Variants in RETREG3 observed in about 807,000 individuals in gnomAD.
The protein encoded by RETREG3 is reticulophagy regulator family member 3.
RETREG3 carries 23 observed loss-of-function variants against 50.2 expected under a neutral mutation model. The ratio of observed to expected loss-of-function variants is 0.46; its 90% CI spans 0.33 to 0.65. The LOEUF (loss-of-function observed/expected upper bound fraction) is 0.65, where lower values mean the gene tolerates loss of function less well. Among genes scored for constraint, RETREG3 ranks in the 30% least tolerant of loss-of-function variants. RETREG3 has a pLI of 0.02. For missense variants in RETREG3, 546 were observed against 598.0 expected (o/e 0.91, Z 0.91); for synonymous variants, 240 against 234.4 (o/e 1.02, Z -0.22).
chr17:42,582,419 G>A (rs1289406554), intron 8 of RETREG3, 149 bp from the exon 9 acceptor site: 2 of 858,844 alleles, frequency 2.3e-6, no homozygotes, highest in Non-Finnish European at 3.5e-6. Flanking sequence ...CTTATAGGTG[G>A]CTGTGATCTC....
At chr17:42,593,911 C>T (rs1464685328) in intron 1 of RETREG3, among the ~76,000 whole-genome samples, 1 of 152,128 alleles carries the variant, frequency 6.6e-6, no homozygotes, top group Non-Finnish European at 1.5e-5. Flanking sequence ...AGAGCCCTGG[C>T]CAGGTGTGGT....
At chr17:42,607,223 G>C (rs767763794) in intron 1 of RETREG3, among the ~76,000 whole-genome samples, 23 of 151,828 alleles carry the variant, frequency 1.5e-4, no homozygotes, top group Admixed American at 3.9e-4. Context: ...ACTTGGCTGG[G>C]CACGGTGGCT....
chr17:42,592,587 G>A (rs1274042634), intron 1 of RETREG3, among the ~76,000 whole-genome samples: 1 of 152,268 alleles, frequency 6.6e-6, no homozygotes, highest in East Asian at 1.9e-4. Context: ...TCTTTTTACA[G>A]ATCTAGGAAC....
At chr17:42,602,379 TTTCAA>T (rs1297268682) in intron 1 of RETREG3, among the ~76,000 whole-genome samples, 1 of 152,090 alleles carries the variant, frequency 6.6e-6, no homozygotes, top group Non-Finnish European at 1.5e-5. Flanking sequence ...TAAAATTCTC[TTTCAA>T]TTCATCTGCC....
chr17:42,609,015 C>A (rs73983735), intron 1 of RETREG3, 71 bp downstream of exon 1: 2 of 1,454,800 alleles, frequency 1.4e-6, no homozygotes, highest in African/African-American at 1.4e-5. Context: ...ACAGGGCAGG[C>A]GAGAAGTAGA....
At chr17:42,589,797 ACT>A (rs1208663740) in intron 2 of RETREG3, among the ~76,000 whole-genome samples, 2 of 152,102 alleles carry the variant, frequency 1.3e-5, no homozygotes, top group African/African-American at 4.8e-5. Flanking sequence ...ATTTGTATTC[ACT>A]GAGGCCTCTC....
chr17:42,597,976 GTTTTTTTT>G (rs869196773), intron 1 of RETREG3, among the ~76,000 whole-genome samples: 1 of 95,850 alleles, frequency 1.0e-5, no homozygotes, highest in Non-Finnish European at 2.0e-5. Context: ...TTCCTCTGAA[GTTTTTTTT>G]TTTTTTTTTT....
At position 42,582,026 on chromosome 17, in the gene RETREG3, G is replaced by A; in HGVS notation, c.1188C>T (p.Asn396=). The change falls in exon 9 of 9, where the codon AAC becomes AAT. Residue 396 remains asparagine (N), a synonymous_variant. Coordinates refer to ENST00000309428, the MANE Select transcript of RETREG3 (RefSeq NM_178126.4). ...TACCCTGGGAGACCAGGCTGGCAAG[G>A]TTGCTGGTGAGGTTGGATCCTACAG... is the stretch of plus-strand genomic sequence containing the variant. The part of the protein sequence containing the change: ...ALPVGSNLTS[N]LASLVSQGMI... 1 of 1,614,132 alleles carries A rather than the reference G, an allele frequency of 6.2e-7. No homozygotes were observed. Among genetic ancestry groups the A allele is most frequent in the Non-Finnish European group, 8.5e-7 (1 of 1,180,020 alleles).
At chr17:42,590,831 G>GTGGTGCGTGCCTGTAATCCCAGCTAA (rs1597735821) in intron 2 of RETREG3, among the ~76,000 whole-genome samples, 1 of 152,148 alleles carries the variant, frequency 6.6e-6, no homozygotes, top group East Asian at 1.9e-4. Context: ...GCCAGGCATG[G>GTGGTGCGTGCCTGTAATCCCAGCTAA]TGGTGCGTGC....
At chr17:42,595,764 A>G (rs1465668836) in intron 1 of RETREG3, among the ~76,000 whole-genome samples, 10 of 148,632 alleles carry the variant, frequency 6.7e-5, no homozygotes, top group South Asian at 2.1e-4. Flanking sequence ...CACCTCCCAG[A>G]TTCAAGAGAT....
chr17:42,609,416 C>T (rs2093175881), upstream of RETREG3: 4 of 1,398,266 alleles, frequency 2.9e-6, no homozygotes, highest in South Asian at 4.0e-5. Flanking sequence ...GGGGAGGTGG[C>T]TTCGCACCAC....
At chr17:42,586,000 T>C (rs2093120453) in intron 5 of RETREG3, 53 bp downstream of exon 5, 2 of 1,551,052 alleles carry the variant, frequency 1.3e-6, no homozygotes, top group Admixed American at 3.3e-5. Context: ...TAGCCATAGT[T>C]GGAAAGCTAT....
At chr17:42,583,432 C>T in intron 7 of RETREG3, 66 bp downstream of exon 7, 1 of 1,494,612 alleles carries the variant, frequency 6.7e-7, no homozygotes, top group Non-Finnish European at 9.2e-7. Flanking sequence ...TAAATGTGAG[C>T]TGTCGGATGG....
At chr17:42,597,605 A>T (rs368237597) in intron 1 of RETREG3, among the ~76,000 whole-genome samples, 21 of 16,756 alleles carry the variant, frequency 1.3e-3, no homozygotes, top group East Asian at 4.2e-3. Flanking sequence ...ATATATATAT[A>T]TATATATATA....
chr17:42,605,629 G>A (rs764635905), intron 1 of RETREG3, among the ~76,000 whole-genome samples: 1 of 152,166 alleles, frequency 6.6e-6, no homozygotes, highest in Non-Finnish European at 1.5e-5. Context: ...GGACTTAACA[G>A]TATCTGTGCC....
intron 2 of RETREG3, 105 bp downstream of exon 2, chr17:42,591,951 A>G: frequency 3.2e-6 from 3 of 932,014 alleles, no homozygotes; most frequent in Non-Finnish European, 4.8e-6. Flanking sequence ...TTCAAAAGAC[A>G]GTCCCCAGCT....
In RETREG3 at chr17:42,581,715, A is replaced by T; in HGVS notation, c.*98T>A. ...GCCACCCAGCATACAAATATAATTC[A>T]GGGGAGGGGAGCTGAGTTCTTCCCT... is the stretch of plus-strand genomic sequence containing the variant. On this transcript the variant is annotated 3_prime_UTR_variant, in exon 9 of 9. Transcript: ENST00000309428. The T allele has an allele frequency of 9.0e-7, 1 of 1,115,096 alleles. No individual in the cohort carries two copies. Among genetic ancestry groups the T allele is most frequent in the Non-Finnish European group, 1.2e-6 (1 of 801,534 alleles). 69.1% of individuals were successfully genotyped at this position (1,115,096 alleles called of 1,614,324 possible). A position where few individuals can be genotyped will look rare whatever the true frequency, so the allele number is the denominator to read the frequency against.
At chr17:42,602,957 T>G (rs2093161248) in intron 1 of RETREG3, among the ~76,000 whole-genome samples, 1 of 152,080 alleles carries the variant, frequency 6.6e-6, no homozygotes, top group African/African-American at 2.4e-5. Flanking sequence ...AAAAAAAAAC[T>G]TAAGATAGAA....
intron 1 of RETREG3, among the ~76,000 whole-genome samples, chr17:42,597,606 TATATATATATATA>T (rs1207231795): frequency 3.8e-3 from 92 of 23,982 alleles, no homozygotes; most frequent in African/African-American, 5.8e-3. Flanking sequence ...TATATATATA[TATATATATATATA>T]TTTTTTTTTT....
Sources: gnomAD v4.1 joint callset for allele counts (sites outside exome capture counted in the v4.1 genomes callset) on GRCh38, gnomAD v4.1.1 for gene constraint, MANE v1.5 for transcripts, NCBI Gene and HGNC (gene_info 2026-07-23, HGNC 2026-07-21) for gene names.